The following TDP2 variants were observed in gnomAD, a reference collection of about 807,000 sequenced individuals.
TDP2 encodes the protein tyrosyl-DNA phosphodiesterase 2.
A neutral mutation model predicts 42.8 loss-of-function variants in TDP2; 38 were observed. That is an observed-to-expected ratio of 0.89 (90% CI 0.68 to 1.16). TDP2 has a LOEUF of 1.16. TDP2 is among the 50% of genes most tolerant of loss of function. The pLI is 0.00. For missense variants in TDP2, 439 were observed against 439.3 expected (o/e 1.00, Z 0.01); for synonymous variants, 173 against 150.6 (o/e 1.15, Z -1.09).
In TDP2 at chr6:24,653,229, TG is replaced by T. The variant is rs1778002293; in HGVS notation, c.637-77del. 42 of 1,439,742 alleles carry T rather than the reference TG, an allele frequency of 2.9e-5. 1 individual carries two copies. The South Asian group carries it at 5.0e-4, about 17-fold the overall frequency. 89.2% of individuals were successfully genotyped at this position (1,439,742 alleles called of 1,614,324 possible). On this transcript the variant is annotated intron_variant, in intron 5 of 6. Coordinates refer to ENST00000378198, the MANE Select transcript of TDP2 (RefSeq NM_016614.3). ...AACTTTAATAATAAAATCAGCAGAT[TG>T]TTCTGTCAAATGGTATATATTTACT...
At chr6:24,651,931 T>A (rs1356421906) in intron 6 of TDP2, among the ~76,000 whole-genome samples, 1 of 152,210 alleles carries the variant, frequency 6.6e-6, no homozygotes, top group Non-Finnish European at 1.5e-5. Context: ...ATTAAGTATA[T>A]TCACATAGTT....
rs1056155317 is a variant in TDP2, at chr6:24,650,995, C to G, written c.882G>C (p.Gln294His). 1.2e-6 allele frequency: 2 copies of G among 1,613,914 alleles called. No individual in the cohort carries two copies. The highest frequency in any genetic ancestry group is 2.2e-5 in the East Asian group (1 of 44,884). ...WEFLGKPKHC[Q>H]YTWDTQMNSN... ...AGTTCATTTGTGTATCCCATGTATA[C>G]TGGCAATGTTTAGGTTTGCCCAAAA... The change falls in exon 7 of 7, where the codon CAG (glutamine) becomes CAC (histidine). Residue 294 changes from glutamine (Q) to histidine (H), a missense_variant. Transcript: ENST00000378198.
At chr6:24,665,779 T>G (rs1061925) in intron 2 of TDP2, among the ~76,000 whole-genome samples, 22,929 of 152,120 alleles carry the variant, frequency 0.15, 1,964 homozygotes, top group South Asian at 0.24. Flanking sequence ...AAAAGGGGAC[T>G]CTTACCCAGA....
chr6:24,656,945 T>G (rs772261208), intron 4 of TDP2, among the ~76,000 whole-genome samples: 1 of 152,106 alleles, frequency 6.6e-6, no homozygotes, highest in Non-Finnish European at 1.5e-5. Flanking sequence ...GAATACAAAA[T>G]AGTTCCATAA....
At chr6:24,658,202 C>T (rs1269932872) in intron 3 of TDP2, among the ~76,000 whole-genome samples, 1 of 152,196 alleles carries the variant, frequency 6.6e-6, no homozygotes, top group African/African-American at 2.4e-5. Context: ...TTTCAATCCT[C>T]TTGAAGCAGT....
intron 2 of TDP2, among the ~76,000 whole-genome samples, chr6:24,661,829 G>GAAAC (rs1554188517): frequency 6.6e-6 from 1 of 150,590 alleles, no homozygotes; most frequent in East Asian, 2.0e-4. Flanking sequence ...GTGGGGGAAA[G>GAAAC]AGAGATCAGA....
chr6:24,657,311 A>G (rs1018059810), intron 4 of TDP2, among the ~76,000 whole-genome samples: 1 of 152,192 alleles, frequency 6.6e-6, no homozygotes, highest in Non-Finnish European at 1.5e-5. Flanking sequence ...CCTAGAACCA[A>G]TCCTCTGAGA....
Position 24,650,983 on chromosome 6 carries a change from A to C in TDP2, c.894T>G (p.Asp298Glu), listed in dbSNP as rs1293815679. 2.5e-6 allele frequency: 4 copies of C among 1,614,054 alleles called. No individual in the cohort carries two copies. The highest frequency in any genetic ancestry group is 2.7e-5 in the African/African-American group (2 of 74,940). ...GKPKHCQYTWDTQMNSNLGIT... is the reference protein window; with the variant it reads ...GKPKHCQYTWETQMNSNLGIT... ...TTCCAAGATTAGAGTTCATTTGTGT[A>C]TCCCATGTATACTGGCAATGTTTAG... The change falls in exon 7 of 7, where the codon GAT becomes GAG. Residue 298 changes from aspartate to glutamate, a missense_variant. Coordinates refer to ENST00000378198, the MANE Select transcript of TDP2 (RefSeq NM_016614.3).
Position 24,653,021 on chromosome 6 carries a change from CTG to C in TDP2, c.767_768del (p.Thr256SerfsTer35). On this transcript the variant is annotated frameshift_variant, in exon 6 of 7. Coordinates refer to ENST00000378198, the MANE Select transcript of TDP2 (RefSeq NM_016614.3). LOFTEE classifies it high-confidence loss of function. Reference protein sequence around the residue: ...KKMQEAPESATVIFAGDTNLR... With the variant: ...KKMQEAPESAXVIFAGDTNLR... Reference sequence around the variant, plus strand: ...AGATTTGTATCTCCTGCAAATATAACTGTAGCTGACTCTGGAGCCTCTTGCAT... The same window carrying C: ...AGATTTGTATCTCCTGCAAATATAACTAGCTGACTCTGGAGCCTCTTGCAT... 1 of 1,613,998 alleles carries C rather than the reference CTG, an allele frequency of 6.2e-7. No individual in the cohort carries two copies. Among genetic ancestry groups the C allele is most frequent in the Admixed American group, 1.7e-5 (1 of 60,032 alleles).
rs1403551879 is a variant in TDP2 at position 24,655,845 on chromosome 6, A to G, written c.518-1315T>C. 2.0e-5 allele frequency among the ~76,000 whole-genome samples: 3 copies of G among 152,188 alleles called. No individual in the cohort carries two copies. In the East Asian group the frequency reaches 5.8e-4, roughly 29 times the overall value. ...GGTCTCAGATTAAAGGCCTGTATAT[A>G]CCAACACACTGACAATTGTGGGTCT... On this transcript the variant is annotated intron_variant, in intron 4 of 6. Transcript: ENST00000378198.
At chr6:24,659,649 A>AT (rs1387179492) in intron 2 of TDP2, among the ~76,000 whole-genome samples, 2 of 152,218 alleles carry the variant, frequency 1.3e-5, no homozygotes, top group African/African-American at 2.4e-5. Flanking sequence ...TCTTTTTGGA[A>AT]TTTTTTAAAA....
At chr6:24,666,150 G>A (rs905318722) in intron 2 of TDP2, 2 of 1,550,482 alleles carry the variant, frequency 1.3e-6, no homozygotes. Flanking sequence ...CTAGGGCCTA[G>A]AATAAATAAA....
rs193059242 is a variant in TDP2 at position 24,656,554 on chromosome 6, T to C, written c.517+1258A>G. ...AGTTCCCACCAAGCATTCAGTACAA[T>C]AGATTTTAAAAAGACCCAAAGAACA... On this transcript the variant is annotated intron_variant, in intron 4 of 6. Coordinates refer to ENST00000378198, the MANE Select transcript of TDP2 (RefSeq NM_016614.3). Among the ~76,000 whole-genome samples the C allele has an allele frequency of 2.8e-4, 42 of 152,130 alleles. 1 individual carries two copies. Among genetic ancestry groups the C allele is most frequent in the Middle Eastern group, 6.8e-3 (2 of 294 alleles).
At chr6:24,653,893 C>T (rs17249945) in intron 5 of TDP2, among the ~76,000 whole-genome samples, 3,695 of 152,252 alleles carry the variant, frequency 0.024, 141 homozygotes, top group African/African-American at 0.08. Flanking sequence ...GTATGTCTTA[C>T]ATATTTTTCA....
At chr6:24,664,268 A>G (rs977252791) in intron 2 of TDP2, among the ~76,000 whole-genome samples, 1 of 151,726 alleles carries the variant, frequency 6.6e-6, no homozygotes, top group Non-Finnish European at 1.5e-5. Context: ...ACTCTAAATA[A>G]CAAGGCTCTG....
intron 2 of TDP2, 200 bp downstream of exon 2, chr6:24,666,326 T>G (rs1778234736): frequency 1.3e-6 from 2 of 1,515,840 alleles, no homozygotes; most frequent in Admixed American, 4.1e-5. Context: ...GAAGCGACAG[T>G]CTGGTGCAGT....
intron 2 of TDP2, among the ~76,000 whole-genome samples, chr6:24,660,974 G>C (rs970498049): frequency 6.6e-6 from 1 of 152,208 alleles, no homozygotes; most frequent in African/African-American, 2.4e-5. Context: ...CTGATATGGA[G>C]CTTTCCCATT....
intron 6 of TDP2, among the ~76,000 whole-genome samples, chr6:24,651,376 C>T (rs9379679): frequency 0.12 from 17,514 of 152,116 alleles, 1,991 homozygotes; most frequent in East Asian, 0.45. Context: ...TATCTGTTTT[C>T]AAAAACTGAA....
intron 2 of TDP2, chr6:24,665,974 C>G: frequency 8.7e-7 from 1 of 1,145,834 alleles, no homozygotes; most frequent in Non-Finnish European, 1.1e-6. Context: ...AGGCCTGGAA[C>G]CTGGAAAGGC....
Sources: gnomAD v4.1 joint callset for allele counts (sites outside exome capture counted in the v4.1 genomes callset) on GRCh38, gnomAD v4.1.1 for gene constraint, MANE v1.5 for transcripts, NCBI Gene and HGNC (gene_info 2026-07-23, HGNC 2026-07-21) for gene names.